Variants in CCDC141 observed in about 807,000 individuals in gnomAD.
The protein encoded by CCDC141 is coiled-coil domain containing 141.
CCDC141 carries 168 observed loss-of-function variants against 181.0 expected under a neutral mutation model. The ratio of observed to expected loss-of-function variants is 0.93; its 90% CI spans 0.82 to 1.05. The LOEUF (loss-of-function observed/expected upper bound fraction) is 1.05, where lower values mean the gene tolerates loss of function less well. Ranked by LOEUF, CCDC141 falls within the 50% of genes least tolerant of loss-of-function variation. CCDC141 has a pLI of 0.00. For missense variants in CCDC141, 1,902 were observed against 1,788.5 expected, an observed-to-expected ratio of 1.06 and a Z score of -1.14; for synonymous variants, 666 against 642.3, an observed-to-expected ratio of 1.04 and a Z score of -0.56.
chr2:179,006,424 G>C (rs1235276358), intron 2 of CCDC141, among the ~76,000 whole-genome samples: 3 of 152,102 alleles, frequency 2.0e-5, no homozygotes, highest in Admixed American at 2.0e-4. Context: ...TCAGAGAGTG[G>C]TTCAATGATC....
At chr2:179,024,692 C>T (rs2042783190) in intron 2 of CCDC141, among the ~76,000 whole-genome samples, 1 of 152,214 alleles carries the variant, frequency 6.6e-6, no homozygotes, top group Admixed American at 6.5e-5. Context: ...AAACACACTG[C>T]TGTTTTCGAC....
chr2:178,937,876 T>C (rs79840855), intron 6 of CCDC141, among the ~76,000 whole-genome samples: 7,118 of 152,116 alleles, frequency 0.047, 215 homozygotes, highest in South Asian at 0.079. Flanking sequence ...TTCTGATGGT[T>C]ATTTTTATTT....
At position 178,834,067 on chromosome 2, in the gene CCDC141, G is replaced by A. The variant is rs1684369462; in HGVS notation, c.*106C>T. 2 of 1,136,660 alleles carry A rather than the reference G, an allele frequency of 1.8e-6. No homozygotes were observed. Among genetic ancestry groups the A allele is most frequent in the Admixed American group, 2.1e-5 (1 of 46,964 alleles). 70.4% of individuals were successfully genotyped at this position (1,136,660 alleles called of 1,614,324 possible). ...GCCAAACAAGTATGGTGATCAGACT[G>A]GAGATACACTTGGTGGGAGATGCTT... is the stretch of plus-strand genomic sequence containing the variant. On this transcript the variant is annotated 3_prime_UTR_variant, in exon 24 of 24. Transcript: ENST00000443758.
intron 20 of CCDC141, 120 bp downstream of exon 20, chr2:178,853,321 C>G (rs1249169961): frequency 2.5e-6 from 2 of 816,066 alleles, no homozygotes; most frequent in Non-Finnish European, 3.8e-6. Context: ...AACATTTTCC[C>G]TGAATACACT....
chr2:178,818,950 T>C, the CCDC141 span, among the ~76,000 whole-genome samples: 2 of 152,120 alleles, frequency 1.3e-5, no homozygotes, highest in Admixed American at 6.5e-5. Context: ...AATAGAGTCA[T>C]CTTGTGAAAT....
intron 2 of CCDC141, among the ~76,000 whole-genome samples, chr2:178,992,070 A>T (rs182711427): frequency 6.6e-4 from 100 of 152,018 alleles, no homozygotes; most frequent in African/African-American, 2.3e-3. Context: ...ATAGATGAAT[A>T]TGCCAATTTG....
chr2:178,997,901 C>G (rs79681854), intron 2 of CCDC141, among the ~76,000 whole-genome samples: 3 of 152,118 alleles, frequency 2.0e-5, no homozygotes, highest in African/African-American at 4.8e-5. Flanking sequence ...CCCGTCCCCC[C>G]TCAAGTGGTC....
chr2:178,860,327 GT>G (rs1177968904), intron 17 of CCDC141, among the ~76,000 whole-genome samples: 4 of 152,026 alleles, frequency 2.6e-5, no homozygotes, highest in Non-Finnish European at 5.9e-5. Context: ...GAGGTCAGGA[GT>G]TCAAGACCAG....
At chr2:178,827,386 C>T (rs1377427526), downstream of CCDC141, among the ~76,000 whole-genome samples, 1 of 152,136 alleles carries the variant, frequency 6.6e-6, no homozygotes, top group Non-Finnish European at 1.5e-5. Context: ...CTGTTTAGGT[C>T]ATGTATTTCC....
intron 7 of CCDC141, among the ~76,000 whole-genome samples, chr2:178,912,644 G>T (rs1180400839): frequency 6.6e-6 from 1 of 152,142 alleles, no homozygotes; most frequent in Non-Finnish European, 1.5e-5. Context: ...TCTGTTTCTT[G>T]TGGTGAGGTT....
chr2:179,046,701 C>T (rs2043509584), intron 2 of CCDC141, among the ~76,000 whole-genome samples: 1 of 152,202 alleles, frequency 6.6e-6, no homozygotes, highest in South Asian at 2.1e-4. Flanking sequence ...CTGGGTCCCA[C>T]AGATTATGTA....
chr2:179,049,735 C>T, intron 1 of CCDC141, 105 bp downstream of exon 1: 2 of 1,253,290 alleles, frequency 1.6e-6, no homozygotes, highest in South Asian at 1.5e-5. Flanking sequence ...GCTGCGTTGT[C>T]TTCTCTATGC....
At chr2:178,898,089 G>C (rs73041944) in intron 8 of CCDC141, among the ~76,000 whole-genome samples, 56 of 152,302 alleles carry the variant, frequency 3.7e-4, no homozygotes, top group Non-Finnish European at 5.1e-4. Context: ...TTGAGGCTTG[G>C]TTCTCAATGA....
chr2:178,958,767 C>T (rs1382188341), intron 5 of CCDC141, among the ~76,000 whole-genome samples: 1 of 151,676 alleles, frequency 6.6e-6, no homozygotes, highest in African/African-American at 2.4e-5. Context: ...CCGCTATAGT[C>T]ATGGGGCAGA....
At chr2:178,984,257 G>A (rs1204703645) in intron 2 of CCDC141, among the ~76,000 whole-genome samples, 1 of 148,696 alleles carries the variant, frequency 6.7e-6, no homozygotes, top group African/African-American at 2.5e-5. Context: ...TTACAGACAA[G>A]CAAATGCTGA....
the CCDC141 span, among the ~76,000 whole-genome samples, chr2:178,821,329 C>A: frequency 6.6e-6 from 1 of 152,138 alleles, no homozygotes; most frequent in Non-Finnish European, 1.5e-5. Context: ...TCTGAGCAAA[C>A]AAAATTATTA....
intron 7 of CCDC141, 79 bp downstream of exon 7, chr2:178,918,634 T>C: frequency 1.7e-6 from 2 of 1,178,994 alleles, no homozygotes; most frequent in South Asian, 1.6e-5. Context: ...TTCTGTGATG[T>C]GCTCCAGTCA....
chr2:178,993,691 T>C (rs1030393827), intron 2 of CCDC141, among the ~76,000 whole-genome samples: 1 of 152,132 alleles, frequency 6.6e-6, no homozygotes, highest in African/African-American at 2.4e-5. Flanking sequence ...AACTCAAAAG[T>C]CCACAGTCTA....
At chr2:178,841,655 T>A (rs1684726509) in intron 22 of CCDC141, among the ~76,000 whole-genome samples, 1 of 152,270 alleles carries the variant, frequency 6.6e-6, no homozygotes, top group African/African-American at 2.4e-5. Flanking sequence ...TTCTCATTTT[T>A]ATTTTTGAGA....
Sources: allele counts gnomAD v4.1 joint callset (sites outside exome capture counted in the v4.1 genomes callset), GRCh38; gene constraint gnomAD v4.1.1; transcripts MANE v1.5; gene names NCBI Gene and HGNC (gene_info 2026-07-23, HGNC 2026-07-21).